ENOSF1: variants seen among roughly 807,000 people sequenced by gnomAD.
The protein encoded by ENOSF1 is enolase superfamily member 1.
ENOSF1 carries 73 observed loss-of-function variants against 68.2 expected under a neutral mutation model. The ratio of observed to expected loss-of-function variants is 1.07; its 90% confidence interval spans 0.89 to 1.30. ENOSF1 has a LOEUF of 1.30. Ranked by LOEUF, ENOSF1 falls within the 50% of genes most tolerant of loss-of-function variation. The pLI, the probability that ENOSF1 is intolerant of heterozygous loss-of-function variation, is 0.00. For synonymous variants in ENOSF1, 223 were observed against 210.4 expected, an observed-to-expected ratio of 1.06 and a Z score of -0.52; for missense variants, 589 against 554.5, an observed-to-expected ratio of 1.06 and a Z score of -0.62.
At chr18:707,027 C>A (rs2079021773) in intron 1 of ENOSF1, among the ~76,000 whole-genome samples, 2 of 151,932 alleles carry the variant, frequency 1.3e-5, no homozygotes, top group Non-Finnish European at 2.9e-5. Context: ...CCATGTTGGC[C>A]AGGCTGGTCT....
Position 674,190 on chromosome 18 carries a change from C to G in ENOSF1, c.*115G>C. 2 of 715,744 alleles carry G rather than the reference C, an allele frequency of 2.8e-6. No homozygotes were observed. Among genetic ancestry groups the G allele is most frequent in the East Asian group, 2.6e-5 (1 of 38,186 alleles). 44.3% of individuals were successfully genotyped at this position (715,744 alleles called of 1,614,324 possible). A position where few individuals can be genotyped will look rare whatever the true frequency, so the allele number is the denominator to read the frequency against. On this transcript the variant is annotated 3_prime_UTR_variant, in exon 16 of 16. Transcript: ENST00000647584. ...CTGATTCCTGAGGGTGGTATGACTT[C>G]TAGCTGAACTCATCTTGATCGGTAG... is the stretch of plus-strand genomic sequence containing the variant.
intron 10 of ENOSF1, 121 bp from the exon 11 acceptor site, chr18:683,501 C>T (rs1007678951): frequency 1.0e-5 from 12 of 1,188,980 alleles, no homozygotes; most frequent in Middle Eastern, 2.9e-4. Context: ...GACCCCCTAA[C>T]GCCTCTGCTG....
Position 683,298 on chromosome 18 carries a change from A to G in ENOSF1, c.824T>C (p.Ile275Thr). Residue 275 changes from isoleucine (I) to threonine (T), a missense_variant, in exon 11 of 16, where the codon ATT becomes ACT. Coordinates refer to ENST00000647584, the MANE Select transcript of ENOSF1 (RefSeq NM_017512.7). ...GTCATCAGGGGAGGTTGGCTCCTCA[A>G]TCCACAATGGCTTGAACTTGGCCAG... ...SKLAKFKPLW[I>T]EEPTSPDDIL... 1 of 1,614,148 alleles carries G rather than the reference A, an allele frequency of 6.2e-7. No individual in the cohort carries two copies.
At chr18:678,570 G>T in intron 12 of ENOSF1, 126 bp downstream of exon 12, 1 of 916,254 alleles carries the variant, frequency 1.1e-6, no homozygotes, top group Non-Finnish European at 1.8e-6. Flanking sequence ...TTTCTAAGAT[G>T]ATGAAAATTT....
chr18:707,269 C>T (rs2079042076), intron 1 of ENOSF1, among the ~76,000 whole-genome samples: 1 of 152,194 alleles, frequency 6.6e-6, no homozygotes, highest in South Asian at 2.1e-4. Flanking sequence ...TAGTGATCCA[C>T]CCGCTTGGGC....
At chr18:683,714 ATG>A (rs2076334964) in intron 10 of ENOSF1, among the ~76,000 whole-genome samples, 1 of 151,936 alleles carries the variant, frequency 6.6e-6, no homozygotes. Context: ...ACCCAAATAC[ATG>A]TGTCTTGCAG....
At chr18:665,377 T>C (rs979922367), downstream of ENOSF1, among the ~76,000 whole-genome samples, 48 of 151,714 alleles carry the variant, frequency 3.2e-4, 1 homozygote, top group African/African-American at 1.1e-3. Context: ...CCCTTTATCA[T>C]TTTTTATTGC....
At chr18:710,457 T>G (rs2079390407) in intron 1 of ENOSF1, among the ~76,000 whole-genome samples, 1 of 152,168 alleles carries the variant, frequency 6.6e-6, no homozygotes, top group Non-Finnish European at 1.5e-5. Context: ...AAGTCTAGAT[T>G]AGGGATTCCT....
At chr18:683,159 G>A (rs1160389818) in intron 11 of ENOSF1, 87 bp downstream of exon 11, 16 of 1,509,306 alleles carry the variant, frequency 1.1e-5, no homozygotes, top group Non-Finnish European at 1.4e-5. Context: ...GAGGGAACAA[G>A]TGAAGAAATT....
chr18:701,136 C>T (rs1238020352), intron 2 of ENOSF1, among the ~76,000 whole-genome samples: 1 of 152,070 alleles, frequency 6.6e-6, no homozygotes, highest in Non-Finnish European at 1.5e-5. Flanking sequence ...ACTCTTAAGG[C>T]TGGATTTTTA....
intron 13 of ENOSF1, 25 bp downstream of exon 13, chr18:677,718 T>A: frequency 6.2e-7 from 1 of 1,605,406 alleles, no homozygotes; most frequent in Non-Finnish European, 8.5e-7. Flanking sequence ...GAAGGTCTGG[T>A]CTGCAGCCGC....
chr18:683,998 TC>T (rs2144773029), intron 10 of ENOSF1, among the ~76,000 whole-genome samples: 1 of 145,454 alleles, frequency 6.9e-6, no homozygotes, highest in Non-Finnish European at 1.5e-5. Flanking sequence ...CTTTTCTTTT[TC>T]TTTTTTTTTT....
intron 10 of ENOSF1, among the ~76,000 whole-genome samples, chr18:685,447 A>G (rs2606260): frequency 0.2 from 30,645 of 152,140 alleles, 3,384 homozygotes; most frequent in Admixed American, 0.27. Context: ...AAAAGCCTCC[A>G]AAGCCTCATA....
intron 1 of ENOSF1, chr18:707,740 T>C (rs1210028689): frequency 6.6e-6 from 1 of 152,184 alleles, no homozygotes; most frequent in East Asian, 1.9e-4. Flanking sequence ...TGGTTTAATT[T>C]AATCTTATAA....
At chr18:709,568 C>T (rs1389652772) in intron 1 of ENOSF1, among the ~76,000 whole-genome samples, 3 of 152,172 alleles carry the variant, frequency 2.0e-5, no homozygotes, top group East Asian at 1.9e-4. Flanking sequence ...CTCAGGAGTT[C>T]GAGACCAGCC....
At chr18:703,518 A>C (rs895354297) in intron 2 of ENOSF1, among the ~76,000 whole-genome samples, 7 of 152,188 alleles carry the variant, frequency 4.6e-5, no homozygotes, top group South Asian at 2.1e-4. Flanking sequence ...GTTGCAGAAG[A>C]AGCAGAAACA....
intron 2 of ENOSF1, among the ~76,000 whole-genome samples, chr18:706,070 C>G (rs2078900693): frequency 6.6e-6 from 1 of 151,944 alleles, no homozygotes; most frequent in Non-Finnish European, 1.5e-5. Context: ...CACAATGAGC[C>G]TTTTTTGCTA....
chr18:669,671 A>T (rs1221609639), downstream of ENOSF1, among the ~76,000 whole-genome samples: 4 of 152,084 alleles, frequency 2.6e-5, no homozygotes, highest in African/African-American at 9.7e-5. Flanking sequence ...ACTCATTCTT[A>T]CACCAAAAAG....
the ENOSF1 span, among the ~76,000 whole-genome samples, chr18:664,672 A>G: frequency 6.7e-6 from 1 of 148,688 alleles, no homozygotes; most frequent in African/African-American, 2.5e-5. Flanking sequence ...GATAGCTCTT[A>G]TTATTTTGAA....
Sources: allele counts gnomAD v4.1 joint callset (sites outside exome capture counted in the v4.1 genomes callset), GRCh38; gene constraint gnomAD v4.1.1; transcripts MANE v1.5; gene names NCBI Gene and HGNC (gene_info 2026-07-23, HGNC 2026-07-21).